The following URGCP variants were observed in gnomAD, a reference collection of about 807,000 sequenced individuals.
URGCP encodes the protein up-regulator of cell proliferation.
URGCP carries 13 observed loss-of-function variants against 24.6 expected under a neutral mutation model. That is an observed-to-expected ratio of 0.53 (90% CI 0.34 to 0.84). URGCP has a LOEUF of 0.84. Among genes scored for constraint, URGCP ranks in the 40% least tolerant of loss-of-function variants. The pLI, the probability that URGCP is intolerant of heterozygous loss-of-function variation, is 0.01. For synonymous variants in URGCP, 444 were observed against 487.2 expected (o/e 0.91, Z 1.17); for missense variants, 899 against 1,194.3 (o/e 0.75, Z 3.64).
intron 1 of URGCP, chr7:43,906,227 AGCCGCTCGCCGGGCCCTCGCTCCC>A (rs1469810857): frequency 3.9e-5 from 6 of 152,604 alleles, no homozygotes; most frequent in African/African-American, 1.5e-4. Context: ...CCGGTTCCCC[AGCCGCTCGCCGGGCCCTCGCTCCC>A]GCCGCGCCCC....
rs376195109 is a variant in URGCP at position 43,876,891 on chromosome 7, C to T, written c.2572G>A (p.Gly858Ser). Residue 858 changes from glycine (G) to serine (S), a missense_variant, in exon 6 of 6, where the codon GGC becomes AGC. Gly to Ser is a moderately conservative substitution (Grantham distance 56). Transcript: ENST00000453200. ...GCCAGGCCTGCCAGTGCCCGGAAGC[C>T]GTCGCCCTGTTTCTCCATCTGGGCT... ...AAAQMEKQGDGFRALAGLAFC... is the reference protein window; with the variant it reads ...AAAQMEKQGDSFRALAGLAFC... The T allele has an allele frequency of 2.5e-5, 41 of 1,613,890 alleles. No individual in the cohort carries two copies. The South Asian group carries it at 3.5e-4, about 14-fold the overall frequency.
intron 1 of URGCP, chr7:43,920,021 TG>T: frequency 7.6e-7 from 1 of 1,323,872 alleles, no homozygotes; most frequent in Non-Finnish European, 1.1e-6. Flanking sequence ...CATGGCCACA[TG>T]GCCAGACTAC....
chr7:43,877,062 G>A lies in URGCP; in HGVS notation c.2401C>T (p.His801Tyr). 2 of 1,614,260 alleles carry A rather than the reference G, an allele frequency of 1.2e-6. No individual in the cohort carries two copies. Among genetic ancestry groups the A allele is most frequent in the Non-Finnish European group, 1.7e-6 (2 of 1,180,042 alleles). ...ETKDIPAAIL[H>Y]AFLRLEKTGH... Reference sequence around the variant, plus strand: ...GTTTTTTCTAACCTCAGAAATGCATGCAGAATAGCTGCTGGAATGTCCTTG... The same window carrying A: ...GTTTTTTCTAACCTCAGAAATGCATACAGAATAGCTGCTGGAATGTCCTTG... The change falls in exon 6 of 6, where the codon CAT (histidine) becomes TAT (tyrosine). Residue 801 changes from histidine to tyrosine, a missense_variant. Coordinates refer to ENST00000453200, the MANE Select transcript of URGCP (RefSeq NM_001077663.3).
intron 3 of URGCP, among the ~76,000 whole-genome samples, chr7:43,883,309 T>C (rs1310386090): frequency 3.5e-5 from 5 of 144,490 alleles, no homozygotes; most frequent in African/African-American, 1.3e-4. Flanking sequence ...GGTTCCAAAA[T>C]TTATATATAT....
Position 43,918,831 on chromosome 7 carries a change from G to A in URGCP, c.-116+7301C>T, listed in dbSNP as rs376957145. Reference sequence around the variant, plus strand: ...GGAGGAGTTCGCTACTGAGGGCACTGACCACAAGGACATCTTTTTCTACCA... The same window carrying A: ...GGAGGAGTTCGCTACTGAGGGCACTAACCACAAGGACATCTTTTTCTACCA... On this transcript the variant is annotated intron_variant, in intron 1 of 5. Coordinates refer to the URGCP transcript ENST00000426198. 2.3e-6 allele frequency: 3 copies of A among 1,310,108 alleles called. No homozygotes were observed. In the South Asian group the frequency reaches 3.5e-5, roughly 15 times the overall value. The allele number at this position is 1,310,108 out of a possible 1,614,324, so 81.2% of individuals were successfully genotyped here. A position where few individuals can be genotyped will look rare whatever the true frequency, so the allele number is the denominator to read the frequency against.
At chr7:43,896,100 C>T (rs1361753141) in intron 1 of URGCP, among the ~76,000 whole-genome samples, 1 of 152,046 alleles carries the variant, frequency 6.6e-6, no homozygotes, top group African/African-American at 2.4e-5. Context: ...TTCTCATTCA[C>T]AGGTGGGAGC....
At chr7:43,889,732 A>G (rs2095867505) in intron 1 of URGCP, 1 of 152,164 alleles carries the variant, frequency 6.6e-6, no homozygotes, top group East Asian at 1.9e-4. Flanking sequence ...GCACGCCCCA[A>G]TTTGCTCCCT....
chr7:43,891,518 C>T (rs187058944), intron 1 of URGCP, among the ~76,000 whole-genome samples: 1 of 152,334 alleles, frequency 6.6e-6, no homozygotes, highest in Non-Finnish European at 1.5e-5. Context: ...CTGCGCCCAG[C>T]TATCATCAGA....
Position 43,876,635 on chromosome 7 carries a change from C to G in URGCP, c.*32G>C, listed in dbSNP as rs1289049907. ...ATCAGACAGGGCTGCCCACAGCAGCCTCCTACACCTGAACTGGGTTTCTCT... is the reference window on the plus strand; with the variant it reads ...ATCAGACAGGGCTGCCCACAGCAGCGTCCTACACCTGAACTGGGTTTCTCT... On this transcript the variant is annotated 3_prime_UTR_variant, in exon 6 of 6. Coordinates refer to ENST00000453200, the MANE Select transcript of URGCP (RefSeq NM_001077663.3). 5 of 1,598,890 alleles carry G rather than the reference C, an allele frequency of 3.1e-6. No homozygotes were observed. The Admixed American group carries it at 8.5e-5, about 27-fold the overall frequency.
At chr7:43,919,091 A>C in intron 1 of URGCP, 1 of 920,092 alleles carries the variant, frequency 1.1e-6, no homozygotes, top group East Asian at 2.4e-5. Flanking sequence ...GTGACAATCT[A>C]GATGGCTTTG....
chr7:43,915,660 C>A (rs2132726780), intron 1 of URGCP, among the ~76,000 whole-genome samples: 1 of 152,334 alleles, frequency 6.6e-6, no homozygotes, highest in Middle Eastern at 3.4e-3. Flanking sequence ...GGAGTCTTCC[C>A]CTCCTCCTGC....
At chr7:43,925,748 C>A (rs2095928876) in intron 1 of URGCP, among the ~76,000 whole-genome samples, 1 of 149,174 alleles carries the variant, frequency 6.7e-6, no homozygotes, top group Non-Finnish European at 1.5e-5. Context: ...GATCCGCCTG[C>A]CTCGGCCTCC....
exon 1 of URGCP, chr7:43,926,407 A>T: frequency 1.2e-6 from 1 of 815,312 alleles, no homozygotes; most frequent in Non-Finnish European, 1.6e-6. Flanking sequence ...CGACGGCCCC[A>T]CAGTGCCCCG....
At chr7:43,913,528 T>G (rs1221845281) in intron 1 of URGCP, among the ~76,000 whole-genome samples, 1 of 152,054 alleles carries the variant, frequency 6.6e-6, no homozygotes, top group Non-Finnish European at 1.5e-5. Flanking sequence ...CTGACAGTTA[T>G]TTTCTTTAAG....
upstream of URGCP, chr7:43,910,633 T>A (rs1389617298): frequency 2.0e-5 from 3 of 151,958 alleles, no homozygotes; most frequent in Admixed American, 2.0e-4. Context: ...GGTGGGAGGA[T>A]CACTTGAGCC....
At chr7:43,881,630 CAG>C in intron 5 of URGCP, 27 bp downstream of exon 5, 1 of 1,613,930 alleles carries the variant, frequency 6.2e-7, no homozygotes. Context: ...TTTCATAGAA[CAG>C]AGAGAAAAGG....
rs2132646392 is a variant in URGCP, at chr7:43,878,014, G to C, written c.1449C>G (p.Ile483Met). The C allele has an allele frequency of 5.0e-6, 8 of 1,614,242 alleles. No individual in the cohort carries two copies. The highest frequency in any genetic ancestry group is 6.8e-6 in the Non-Finnish European group (8 of 1,180,044). ...KDRMERITRK[I>M]KDSDAYRRDE... ...CCCTTCTGTAGGCATCCGAGTCTTT[G>C]ATTTTCCTGGTAATCCTCTCCATCC... The change falls in exon 6 of 6, where the codon ATC (isoleucine) becomes ATG (methionine). Residue 483 changes from isoleucine (I) to methionine (M), a missense_variant. Ile to Met is a conservative substitution (Grantham distance 10, BLOSUM62 1). Coordinates refer to ENST00000453200, the MANE Select transcript of URGCP (RefSeq NM_001077663.3). The surrounding 1 kb of genome is among the most constrained non-coding windows in gnomAD (Gnocchi z 5.6).
chr7:43,913,856 G>A (rs1034726731), intron 1 of URGCP, among the ~76,000 whole-genome samples: 6 of 151,752 alleles, frequency 4.0e-5, no homozygotes, highest in South Asian at 2.1e-4. Context: ...ACATCACCAC[G>A]CCCAGCTAAT....
At chr7:43,921,913 A>G (rs1247074809) in intron 1 of URGCP, among the ~76,000 whole-genome samples, 1 of 150,970 alleles carries the variant, frequency 6.6e-6, no homozygotes, top group African/African-American at 2.4e-5. Context: ...TTTTTTTGAG[A>G]TGGGAGTCTC....
Sources: allele counts gnomAD v4.1 joint callset (sites outside exome capture counted in the v4.1 genomes callset), GRCh38; gene constraint gnomAD v4.1.1; non-coding constraint Gnocchi (gnomAD v3.1); transcripts MANE v1.5; gene names NCBI Gene and HGNC (gene_info 2026-07-23, HGNC 2026-07-21).